The following GPI variants were observed in gnomAD, a reference collection of about 807,000 sequenced individuals.
The protein encoded by GPI is glucose-6-phosphate isomerase.
Under a neutral mutation model 75.8 loss-of-function variants are expected in GPI, and 56 were observed. The observed-to-expected ratio is 0.74, with a 90% confidence interval of 0.60 to 0.92. GPI has a LOEUF of 0.92. Among genes scored for constraint, GPI ranks in the 40% least tolerant of loss-of-function variants. The probability of loss-of-function intolerance (pLI) is 0.00; values close to 1 mark genes in which losing one functional copy is unlikely to be tolerated. For missense variants in GPI, 638 were observed against 741.0 expected, an observed-to-expected ratio of 0.86 and a Z score of 1.61; for synonymous variants, 288 against 285.4, an observed-to-expected ratio of 1.01 and a Z score of -0.09.
intron 9 of GPI, 105 bp downstream of exon 9, chr19:34,381,624 C>T (rs572011564): frequency 7.1e-6 from 6 of 847,742 alleles, no homozygotes; most frequent in Non-Finnish European, 1.2e-5. Flanking sequence ...GTACCTGCTG[C>T]ATACCTAGCT....
chr19:34,365,169 A>T, upstream of GPI: 2 of 1,255,140 alleles, frequency 1.6e-6, no homozygotes. Context: ...CCTGCGCCAT[A>T]AAGGCCGCCG....
At chr19:34,370,093 A>T (rs1208664795) in intron 4 of GPI, among the ~76,000 whole-genome samples, 1 of 152,194 alleles carries the variant, frequency 6.6e-6, no homozygotes, top group Non-Finnish European at 1.5e-5. Flanking sequence ...GTATGTAAGC[A>T]GTGTCCGTGT....
Position 34,393,569 on chromosome 19 carries a change from GC to G in GPI, c.866-157del. ...GCAGAGTCAGATCCCTGCACTCAGGGCCACCTCTCACTGGAGGGGCTTTGTC... is the reference window on the plus strand; with the variant it reads ...GCAGAGTCAGATCCCTGCACTCAGGGCACCTCTCACTGGAGGGGCTTTGTC... On this transcript the variant is annotated intron_variant, in intron 10 of 17. Transcript: ENST00000356487. The surrounding 1 kb of genome is among the most constrained non-coding windows in gnomAD (Gnocchi z 4.4). 1 of 751,942 alleles carries G rather than the reference GC, an allele frequency of 1.3e-6. No homozygotes were observed. The highest frequency in any genetic ancestry group is 2.0e-5 in the Admixed American group (1 of 49,804). 46.6% of individuals were successfully genotyped at this position (751,942 alleles called of 1,614,324 possible). A position where few individuals can be genotyped will look rare whatever the true frequency, so the allele number is the denominator to read the frequency against.
intron 12 of GPI, among the ~76,000 whole-genome samples, chr19:34,394,732 T>G (rs2074920098): frequency 6.6e-6 from 1 of 151,828 alleles, no homozygotes; most frequent in South Asian, 2.1e-4. Context: ...TTTTTTTTTT[T>G]GAACAGATTC....
Position 34,393,371 on chromosome 19 carries a change from T to C in GPI, c.865+63T>C. ...ACAGTGTTGCAGTCTAAGGTCGGGG[T>C]AGGGGGCTTGTGTCCCTGAACATCA... is the stretch of plus-strand genomic sequence containing the variant. On this transcript the variant is annotated intron_variant, in intron 10 of 17. Transcript: ENST00000356487. The surrounding 1 kb of genome is among the most constrained non-coding windows in gnomAD (Gnocchi z 4.4). 1 of 1,298,876 alleles carries C rather than the reference T, an allele frequency of 7.7e-7. No individual in the cohort carries two copies. Among genetic ancestry groups the C allele is most frequent in the African/African-American group, 1.4e-5 (1 of 68,986 alleles). 80.5% of individuals were successfully genotyped at this position (1,298,876 alleles called of 1,614,324 possible).
intron 12 of GPI, 53 bp from the exon 13 acceptor site, chr19:34,396,248 T>C (rs563212891): frequency 1.1e-3 from 1,701 of 1,609,818 alleles, no homozygotes; most frequent in Non-Finnish European, 1.4e-3. Context: ...TCTTTCTTTC[T>C]TTTTAAATGT....
chr19:34,381,810 A>T (rs929082067), intron 9 of GPI, among the ~76,000 whole-genome samples: 11 of 152,168 alleles, frequency 7.2e-5, no homozygotes, highest in African/African-American at 2.2e-4. Flanking sequence ...TGCCACGCTC[A>T]CAGAGTTGAG....
At chr19:34,370,724 CAAA>C (rs796736976) in intron 4 of GPI, among the ~76,000 whole-genome samples, 1 of 125,392 alleles carries the variant, frequency 8.0e-6, no homozygotes, top group Admixed American at 8.1e-5. Context: ...GGCTCTGTCT[CAAA>C]AAAAAAAAAC....
At chr19:34,367,143 C>G (rs1568325386) in intron 3 of GPI, 1 of 534,426 alleles carries the variant, frequency 1.9e-6, no homozygotes, top group East Asian at 3.5e-5. Context: ...GAAGTTAACT[C>G]TAATATATCC....
intron 8 of GPI, chr19:34,381,053 C>T: frequency 3.0e-6 from 1 of 328,926 alleles, no homozygotes. Context: ...TGTTTGTTTG[C>T]CTGGCCTGGT....
chr19:34,381,894 G>C (rs562127405), intron 9 of GPI, among the ~76,000 whole-genome samples: 4 of 152,334 alleles, frequency 2.6e-5, no homozygotes, highest in Non-Finnish European at 5.9e-5. Flanking sequence ...GGCAGGGTGA[G>C]GCATGAGGTA....
chr19:34,391,120 T>C (rs980234787), intron 9 of GPI, among the ~76,000 whole-genome samples: 2 of 150,470 alleles, frequency 1.3e-5, no homozygotes, highest in Admixed American at 1.3e-4. Flanking sequence ...TTTGAGGCCC[T>C]TGGGCTTCCA....
chr19:34,388,686 CTGCTTGGCATTGCTGGGCTGTCACAA>C (rs1217287779), intron 9 of GPI, among the ~76,000 whole-genome samples: 14 of 152,162 alleles, frequency 9.2e-5, no homozygotes, highest in South Asian at 2.1e-4. Context: ...AGGTCAGACA[CTGCTTGGCATTGCTGGGCTGTCACAA>C]AACTGGGATC....
chr19:34,392,157 T>TGC (rs1255906320), intron 9 of GPI: 7 of 2,536 alleles, frequency 2.8e-3, no homozygotes, highest in Admixed American at 5.0e-3. Context: ...GATCTGGCCC[T>TGC]AGTAAGAAGA....
intron 4 of GPI, among the ~76,000 whole-genome samples, chr19:34,370,461 G>C (rs1053577554): frequency 8.5e-5 from 13 of 152,212 alleles, no homozygotes; most frequent in African/African-American, 2.9e-4. Flanking sequence ...GCTCACGCCT[G>C]TAATCCCAGC....
chr19:34,399,973 C>G lies in GPI; in HGVS notation c.1614C>G (p.His538Gln), dbSNP rs537943038. 2 of 1,613,866 alleles carry G rather than the reference C, an allele frequency of 1.2e-6. No individual in the cohort carries two copies. The highest frequency in any genetic ancestry group is 1.7e-6 in the Non-Finnish European group (2 of 1,179,940). ...ELDGSAQVTS[H>Q]DASTNGLINF... ...ATGGCAGTGCTCAAGTGACCTCTCA[C>G]GACGCTTCTACCAATGGGCTCATCA... The change falls in exon 18 of 18, where the codon CAC becomes CAG. Residue 538 changes from histidine (H) to glutamine (Q), a missense_variant. Coordinates refer to ENST00000356487, the MANE Select transcript of GPI (RefSeq NM_000175.5).
intron 14 of GPI, 49 bp downstream of exon 14, chr19:34,396,706 C>T (rs746874393): frequency 6.9e-7 from 1 of 1,458,740 alleles, no homozygotes; most frequent in Non-Finnish European, 9.6e-7. Context: ...TCACATTGCA[C>T]CCAGACCTCT....
At position 34,378,960 on chromosome 19, in the gene GPI, G is replaced by A. The variant is rs771204254; in HGVS notation, c.660G>A (p.Thr220=). The A allele has an allele frequency of 8.1e-6, 13 of 1,614,060 alleles. No individual in the cohort carries two copies. Among genetic ancestry groups the A allele is most frequent in the African/African-American group, 2.7e-5 (2 of 74,926 alleles). The part of the protein sequence containing the change: ...SKTFTTQETI[T]NAETAKEWFL... ...CCTTTACTACCCAGGAGACCATCAC[G>A]AATGCAGAGACGGCGAAGGAGTGGT... Residue 220 remains threonine, a synonymous_variant, in exon 7 of 18, where the codon ACG becomes ACA. Transcript: ENST00000356487.
chr19:34,375,225 C>T (rs1346555395), intron 4 of GPI, among the ~76,000 whole-genome samples: 2 of 151,850 alleles, frequency 1.3e-5, no homozygotes, highest in African/African-American at 4.8e-5. Flanking sequence ...TCACTGCAAC[C>T]TCTGCCTCCT....
Sources: gnomAD v4.1 joint callset for allele counts (sites outside exome capture counted in the v4.1 genomes callset) on GRCh38, gnomAD v4.1.1 for gene constraint, Gnocchi (gnomAD v3.1) non-coding constraint, MANE v1.5 for transcripts, NCBI Gene and HGNC (gene_info 2026-07-23, HGNC 2026-07-21) for gene names.